CD226: variants seen among roughly 807,000 people sequenced by gnomAD.
CD226 encodes the protein CD226 molecule, also known as CD226 antigen.
A neutral mutation model predicts 34.9 loss-of-function variants in CD226; 24 were observed. The observed-to-expected ratio is 0.69, with a 90% CI of 0.50 to 0.97. The LOEUF (loss-of-function observed/expected upper bound fraction) is 0.97, where lower values mean the gene tolerates loss of function less well. Among genes scored for constraint, CD226 ranks in the 50% least tolerant of loss-of-function variants. The pLI is 0.00. For synonymous variants in CD226, 148 were observed against 147.4 expected, an observed-to-expected ratio of 1.00 and a Z score of -0.03; for missense variants, 397 against 412.7, an observed-to-expected ratio of 0.96 and a Z score of 0.33.
intron 2 of CD226, among the ~76,000 whole-genome samples, chr18:69,908,164 G>C (rs895907400): frequency 6.6e-6 from 1 of 152,112 alleles, no homozygotes; most frequent in Non-Finnish European, 1.5e-5. Context: ...TGTGTAATTG[G>C]ATATAACAAA....
chr18:69,912,213 G>A (rs990052629), intron 2 of CD226, among the ~76,000 whole-genome samples: 3 of 152,102 alleles, frequency 2.0e-5, no homozygotes, highest in African/African-American at 7.2e-5. Flanking sequence ...GAAAACCTAG[G>A]CATTACCATT....
At chr18:69,884,504 T>C (rs567104505) in intron 3 of CD226, among the ~76,000 whole-genome samples, 1 of 152,344 alleles carries the variant, frequency 6.6e-6, no homozygotes, top group East Asian at 1.9e-4. Context: ...TGCACATCTT[T>C]TTAACGGCCA....
intron 2 of CD226, among the ~76,000 whole-genome samples, chr18:69,917,875 AGGAAAATGAGT>A (rs2055404818): frequency 6.6e-6 from 1 of 152,216 alleles, no homozygotes; most frequent in South Asian, 2.1e-4. Flanking sequence ...GTTATAGTGA[AGGAAAATGAGT>A]GGTTTGAATT....
At chr18:69,864,644 T>A (rs1228127100) in intron 5 of CD226, among the ~76,000 whole-genome samples, 1 of 152,250 alleles carries the variant, frequency 6.6e-6, no homozygotes, top group African/African-American at 2.4e-5. Context: ...TAGTCTAGAT[T>A]AATACTTGCT....
At position 69,895,752 on chromosome 18, in the gene CD226, C is replaced by G. The variant is rs201586042; in HGVS notation, c.676G>C (p.Ala226Pro). The change falls in exon 3 of 6, where the codon GCC becomes CCC. Residue 226 changes from alanine (A) to proline (P), a missense_variant. Transcript: ENST00000582621. ...DSGLYRCYLQASAGENETFVM... is the reference protein window; with the variant it reads ...DSGLYRCYLQPSAGENETFVM... ...AAGGTTTCGTTTTCTCCTGCGCTGG[C>G]CTGCAAGTAGCAGCGGTAAAGCCCC... 2.5e-6 allele frequency: 4 copies of G among 1,614,042 alleles called. No homozygotes were observed. The highest frequency in any genetic ancestry group is 1.7e-5 in the Admixed American group (1 of 59,996).
At chr18:69,929,420 C>A (rs1043039280) in intron 2 of CD226, among the ~76,000 whole-genome samples, 1 of 152,102 alleles carries the variant, frequency 6.6e-6, no homozygotes, top group Non-Finnish European at 1.5e-5. Context: ...CATAGTCTAT[C>A]CTCACTTTTT....
upstream of CD226, among the ~76,000 whole-genome samples, chr18:69,959,118 T>C (rs534968487): frequency 6.6e-6 from 1 of 152,128 alleles, no homozygotes; most frequent in East Asian, 1.9e-4. Context: ...AACTACAGAA[T>C]TTTACTCAGC....
intron 2 of CD226, among the ~76,000 whole-genome samples, chr18:69,945,787 G>A (rs536452226): frequency 6.6e-6 from 1 of 152,254 alleles, no homozygotes; most frequent in South Asian, 2.1e-4. Flanking sequence ...AAAGAAAGAG[G>A]TTTAATTGGA....
rs937809653 is a variant in CD226, at chr18:69,856,436, G to C, written c.*7878C>G. On this transcript the variant is annotated 3_prime_UTR_variant, in exon 6 of 6. Coordinates refer to ENST00000582621, the MANE Select transcript of CD226 (RefSeq NM_001303618.2). ...AAATCAGAAAGGATATAGATAATCTGAACGGTGGTATCAATCAGTTTAATC... is the reference window on the plus strand; with the variant it reads ...AAATCAGAAAGGATATAGATAATCTCAACGGTGGTATCAATCAGTTTAATC... 19 of 152,282 alleles carry C rather than the reference G, an allele frequency of 1.2e-4. No individual in the cohort carries two copies. Among genetic ancestry groups the C allele is most frequent in the African/African-American group, 4.6e-4 (19 of 41,576 alleles). The allele number at this position is 152,282 out of a possible 1,614,324, so 9.4% of individuals were successfully genotyped here.
At position 69,947,065 on chromosome 18, in the gene CD226, T is replaced by C. The variant is rs753774979; in HGVS notation, c.51A>G (p.Leu17=). ...LLALLHVYRA[L]CEEVLWHTSV... The stretch of plus-strand genomic sequence containing the variant: ...ATGTATGCCAAAGCACCTCTTCACA[T>C]AGAGCTGAAATATACAACATCACAT... The change falls in exon 2 of 6, where the codon CTA becomes CTG. Residue 17 remains leucine (L), a synonymous_variant. Coordinates refer to ENST00000582621, the MANE Select transcript of CD226 (RefSeq NM_001303618.2). The C allele has an allele frequency of 9.3e-6, 15 of 1,611,586 alleles. No individual in the cohort carries two copies. The African/African-American group carries it at 9.4e-5, about 10-fold the overall frequency.
chr18:69,883,221 C>G (rs1004679317), intron 3 of CD226, among the ~76,000 whole-genome samples: 8 of 152,138 alleles, frequency 5.3e-5, no homozygotes, highest in African/African-American at 9.7e-5. Context: ...TCTTGGGAAT[C>G]TGGCTTCCTG....
intron 3 of CD226, among the ~76,000 whole-genome samples, chr18:69,876,434 T>C (rs1178948832): frequency 1.3e-5 from 2 of 152,234 alleles, no homozygotes; most frequent in Non-Finnish European, 2.9e-5. Flanking sequence ...ATAGGAAATA[T>C]GTTACCTATT....
rs186200349 is a variant in CD226 at position 69,863,385 on chromosome 18, C to G, written c.*929G>C. 1 of 152,258 alleles carries G rather than the reference C, an allele frequency of 6.6e-6. No homozygotes were observed. Among genetic ancestry groups the G allele is most frequent in the East Asian group, 1.9e-4 (1 of 5,186 alleles). 9.4% of individuals were successfully genotyped at this position (152,258 alleles called of 1,614,324 possible). A position where few individuals can be genotyped will look rare whatever the true frequency, so the allele number is the denominator to read the frequency against. On this transcript the variant is annotated 3_prime_UTR_variant, in exon 6 of 6. Coordinates refer to ENST00000582621, the MANE Select transcript of CD226 (RefSeq NM_001303618.2). ...AAGTTATTTATTATTCGACTATCTA[C>G]TACATTTGCTCCTAAGGCTAGACCT...
chr18:69,897,647 G>A (rs1985374980), intron 2 of CD226, among the ~76,000 whole-genome samples: 2 of 151,652 alleles, frequency 1.3e-5, no homozygotes, highest in Admixed American at 1.3e-4. Context: ...GAGAAAGGAA[G>A]GAGGGAAGGA....
chr18:69,939,972 T>C (rs141446602), intron 2 of CD226, among the ~76,000 whole-genome samples: 1 of 152,308 alleles, frequency 6.6e-6, no homozygotes, highest in African/African-American at 2.4e-5. Flanking sequence ...CCAAATCTCA[T>C]CTTGAGTTGT....
At chr18:69,958,771 T>A (rs930335751), upstream of CD226, among the ~76,000 whole-genome samples, 1 of 136,214 alleles carries the variant, frequency 7.3e-6, no homozygotes, top group Non-Finnish European at 1.5e-5. Flanking sequence ...CACTCCCTAA[T>A]TCAGTGTTCA....
chr18:69,895,835 T>G lies in CD226; in HGVS notation c.593A>C (p.Asn198Thr). 1 of 1,614,172 alleles carries G rather than the reference T, an allele frequency of 6.2e-7. No homozygotes were observed. The highest frequency in any genetic ancestry group is 1.1e-5 in the South Asian group (1 of 91,080). Residue 198 changes from asparagine to threonine, a missense_variant, in exon 3 of 6, where the codon AAC becomes ACC. Transcript: ENST00000582621. ...TSKFPRQIVS[N>T]CSHGRWSVIV... is the part of the protein sequence containing the mutation. ...GACGCTCCACCTTCCGTGGCTGCAG[T>G]TGCTCACTATTTGTCTTGGGAACTT...
intron 3 of CD226, among the ~76,000 whole-genome samples, chr18:69,890,047 T>A (rs1285131957): frequency 6.6e-6 from 1 of 152,208 alleles, no homozygotes; most frequent in Non-Finnish European, 1.5e-5. Flanking sequence ...GTTGATCTTT[T>A]GAAAGTTCAG....
At chr18:69,928,204 T>C (rs551225951) in intron 2 of CD226, among the ~76,000 whole-genome samples, 1 of 152,356 alleles carries the variant, frequency 6.6e-6, no homozygotes, top group East Asian at 1.9e-4. Context: ...AGCTGTTCTA[T>C]TCTACTTAAT....
Sources: allele counts gnomAD v4.1 joint callset (sites outside exome capture counted in the v4.1 genomes callset), GRCh38; gene constraint gnomAD v4.1.1; transcripts MANE v1.5; gene names NCBI Gene and HGNC (gene_info 2026-07-23, HGNC 2026-07-21).